Variants in NAALADL2 observed in about 807,000 individuals in gnomAD.
NAALADL2 encodes the protein N-acetylated alpha-linked acidic dipeptidase like 2.
In NAALADL2, 76 loss-of-function variants were observed where a neutral mutation model predicts 87.2. That is an observed-to-expected ratio of 0.87 (90% CI 0.72 to 1.05). The LOEUF (loss-of-function observed/expected upper bound fraction) is 1.05. Ranked by LOEUF, NAALADL2 falls within the 50% of genes least tolerant of loss-of-function variation. The pLI is 0.00. For synonymous variants in NAALADL2, 354 were observed against 331.0 expected (o/e 1.07, Z -0.75); for missense variants, 1,089 against 945.8 (o/e 1.15, Z -1.99).
intron 3 of NAALADL2, among the ~76,000 whole-genome samples, chr3:174,806,380 T>C (rs1016234420): frequency 6.6e-6 from 1 of 152,132 alleles, no homozygotes; most frequent in African/African-American, 2.4e-5. Context: ...TTTTATTTCT[T>C]TGTAAGTCGG....
upstream of NAALADL2, among the ~76,000 whole-genome samples, chr3:174,857,810 C>T (rs1376247131): frequency 3.9e-5 from 6 of 151,994 alleles, no homozygotes; most frequent in African/African-American, 1.4e-4. Context: ...CCAGCTCCCT[C>T]ATAGAAGAAA....
chr3:175,211,116 G>A (rs1303739695), intron 2 of NAALADL2, among the ~76,000 whole-genome samples: 2 of 151,784 alleles, frequency 1.3e-5, no homozygotes, highest in African/African-American at 2.4e-5. Context: ...CTTTGAAATG[G>A]AGCAGTTTAT....
In NAALADL2 at chr3:175,316,205, T is replaced by C. The variant is rs371003408; in HGVS notation, c.940-7970T>C. Reference sequence around the variant, plus strand: ...GATTTTTTACCTCTCTTGGTTATGATGTATTTTCAAGTAACAGAAGCCTTG... The same window carrying C: ...GATTTTTTACCTCTCTTGGTTATGACGTATTTTCAAGTAACAGAAGCCTTG... On this transcript the variant is annotated intron_variant, in intron 4 of 13. Coordinates refer to ENST00000454872, the MANE Select transcript of NAALADL2 (RefSeq NM_207015.3). Among the ~76,000 whole-genome samples the C allele has an allele frequency of 1.9e-3, 284 of 152,282 alleles. 2 individuals are homozygous for C. The South Asian group carries it at 0.036, about 19-fold the overall frequency.
intron 5 of NAALADL2, among the ~76,000 whole-genome samples, chr3:175,367,112 A>G (rs1290766931): frequency 6.6e-6 from 1 of 151,266 alleles, no homozygotes; most frequent in African/African-American, 2.5e-5. Flanking sequence ...TTTATTAAAT[A>G]GGGAATCCTT....
At chr3:174,941,499 A>G (rs2861899) in intron 1 of NAALADL2, among the ~76,000 whole-genome samples, 112,056 of 151,890 alleles carry the variant, frequency 0.74, 42,176 homozygotes, top group Non-Finnish European at 0.81. Context: ...AGTCCGGTAG[A>G]GGTCTATTAG....
chr3:174,710,374 C>T (rs765436340), intron 2 of NAALADL2, among the ~76,000 whole-genome samples: 19 of 151,968 alleles, frequency 1.3e-4, no homozygotes, highest in Non-Finnish European at 2.4e-4. Flanking sequence ...CCTCTCTCAG[C>T]CTTCGGAGTA....
At chr3:175,422,848 T>C (rs544046629) in intron 5 of NAALADL2, among the ~76,000 whole-genome samples, 1 of 151,614 alleles carries the variant, frequency 6.6e-6, no homozygotes, top group South Asian at 2.1e-4. Context: ...ATTGCCTTTA[T>C]CCAAAGGAAA....
intron 9 of NAALADL2, among the ~76,000 whole-genome samples, chr3:175,497,710 G>A (rs114476350): frequency 0.013 from 1,929 of 152,016 alleles, 25 homozygotes; most frequent in Non-Finnish European, 0.018. Context: ...ATATTACAAG[G>A]ATGATGTTCA....
chr3:175,503,938 G>C (rs1729909854), intron 9 of NAALADL2, among the ~76,000 whole-genome samples: 1 of 151,984 alleles, frequency 6.6e-6, no homozygotes, highest in Non-Finnish European at 1.5e-5. Flanking sequence ...GTTTAATTAG[G>C]CCCTGCTTGT....
In NAALADL2 at chr3:175,733,559, T is replaced by C. The variant is rs542775631; in HGVS notation, c.1897-3747T>C. 7.2e-5 allele frequency among the ~76,000 whole-genome samples: 11 copies of C among 152,196 alleles called. No homozygotes were observed. The East Asian group carries it at 2.1e-3, about 30-fold the overall frequency. On this transcript the variant is annotated intron_variant, in intron 11 of 13. Transcript: ENST00000454872. ...GGTGGGGACACAGAGCCAAACCATA[T>C]CATTGCACCCCTGGCCCCTCCCAAA...
chr3:175,707,774 G>T (rs1354175111), intron 11 of NAALADL2, among the ~76,000 whole-genome samples: 1 of 152,062 alleles, frequency 6.6e-6, no homozygotes, highest in East Asian at 1.9e-4. Flanking sequence ...AATATACAGT[G>T]TAAAAGGTAG....
At chr3:175,500,086 C>G (rs1473838713) in intron 9 of NAALADL2, among the ~76,000 whole-genome samples, 1 of 151,948 alleles carries the variant, frequency 6.6e-6, no homozygotes, top group Non-Finnish European at 1.5e-5. Flanking sequence ...GAATGACTAC[C>G]CCATGCATGA....
intron 2 of NAALADL2, among the ~76,000 whole-genome samples, chr3:175,233,215 G>A (rs2109474998): frequency 6.6e-6 from 1 of 152,172 alleles, no homozygotes; most frequent in African/African-American, 2.4e-5. Context: ...ATTTTAAATA[G>A]CAATAACTAT....
intron 2 of NAALADL2, among the ~76,000 whole-genome samples, chr3:175,196,148 A>T (rs1479946914): frequency 6.6e-6 from 1 of 151,952 alleles, no homozygotes; most frequent in Non-Finnish European, 1.5e-5. Context: ...CTCATTGTCC[A>T]GGCCATCTTT....
chr3:175,781,862 C>CT (rs1751163653), intron 13 of NAALADL2, among the ~76,000 whole-genome samples: 1 of 150,168 alleles, frequency 6.7e-6, no homozygotes, highest in East Asian at 2.0e-4. Context: ...CCCTCCCCCC[C>CT]ACCCCACCAC....
intron 9 of NAALADL2, chr3:175,487,433 TC>T: frequency 1.6e-5 from 7 of 445,578 alleles, no homozygotes; most frequent in South Asian, 1.1e-4. Flanking sequence ...CTTAGTGGGT[TC>T]TAAAGTAATT....
intron 2 of NAALADL2, among the ~76,000 whole-genome samples, chr3:174,569,276 A>G (rs1031064637): frequency 1.3e-5 from 2 of 152,002 alleles, no homozygotes; most frequent in Non-Finnish European, 2.9e-5. Flanking sequence ...GACTCGATCC[A>G]AGGACATTAT....
At chr3:175,311,703 T>TCTCTCC (rs1758387667) in intron 4 of NAALADL2, among the ~76,000 whole-genome samples, 4 of 144,306 alleles carry the variant, frequency 2.8e-5, no homozygotes, top group Non-Finnish European at 3.0e-5. Context: ...TTCCTTCCTC[T>TCTCTCC]CTCCCTCCCT....
intron 3 of NAALADL2, among the ~76,000 whole-genome samples, chr3:174,739,044 T>C (rs1733501651): frequency 6.6e-6 from 1 of 152,162 alleles, no homozygotes; most frequent in Non-Finnish European, 1.5e-5. Context: ...TTATCAACAG[T>C]CTAACGAAAA....
Sources: gnomAD v4.1 joint callset for allele counts (sites outside exome capture counted in the v4.1 genomes callset) on GRCh38, gnomAD v4.1.1 for gene constraint, MANE v1.5 for transcripts, NCBI Gene and HGNC (gene_info 2026-07-23, HGNC 2026-07-21) for gene names.